SEPSECS: variants seen among roughly 807,000 people sequenced by gnomAD.
SEPSECS encodes the protein Sep (O-phosphoserine) tRNA:Sec (selenocysteine) tRNA synthase.
A neutral mutation model predicts 52.1 loss-of-function variants in SEPSECS; 42 were observed. That is an observed-to-expected ratio of 0.81 (90% confidence interval 0.63 to 1.04). The LOEUF (loss-of-function observed/expected upper bound fraction) is 1.04. Among genes scored for constraint, SEPSECS ranks in the 50% least tolerant of loss-of-function variants. The probability of loss-of-function intolerance (pLI) is 0.00; values close to 1 mark genes in which losing one functional copy is unlikely to be tolerated. For missense variants in SEPSECS, 590 were observed against 610.6 expected, an observed-to-expected ratio of 0.97 and a Z score of 0.36; for synonymous variants, 216 against 211.4, an observed-to-expected ratio of 1.02 and a Z score of -0.19.
chr4:25,132,568 C>T (rs1235806676), intron 8 of SEPSECS, among the ~76,000 whole-genome samples: 1 of 152,152 alleles, frequency 6.6e-6, no homozygotes, highest in African/African-American at 2.4e-5. Context: ...AACAGAGAAA[C>T]CTGCCTACTA....
At chr4:25,154,335 T>C (rs1223673515) in intron 5 of SEPSECS, among the ~76,000 whole-genome samples, 1 of 152,154 alleles carries the variant, frequency 6.6e-6, no homozygotes, top group Admixed American at 6.5e-5. Flanking sequence ...TTACAAATTA[T>C]TACCACTTCC....
In SEPSECS at chr4:25,151,999, A is replaced by G. The variant is rs1345184430; in HGVS notation, c.765T>C (p.Tyr255=). The change falls in exon 6 of 11, where the codon TAT becomes TAC. Residue 255 remains tyrosine, a synonymous_variant. Coordinates refer to ENST00000382103, the MANE Select transcript of SEPSECS (RefSeq NM_016955.4). ...YDIPHIVNNA[Y]GVQSSKCMHL... ...GCATACACTTTGAAGACTGCACTCC[A>G]TAAGCATTATTAACTATATGTGGAA... 2 of 1,602,506 alleles carry G rather than the reference A, an allele frequency of 1.2e-6. No individual in the cohort carries two copies. Among genetic ancestry groups the G allele is most frequent in the South Asian group, 1.1e-5 (1 of 90,832 alleles).
At position 25,125,596 on chromosome 4, in the gene SEPSECS, T is replaced by C. The variant is rs956109879; in HGVS notation, c.1211+98A>G. On this transcript the variant is annotated intron_variant, in intron 10 of 10. Transcript: ENST00000382103. The stretch of plus-strand genomic sequence containing the variant: ...TCCATGATGAATTCGCAGGTATAGT[T>C]CAGGATATACTTGGGGGACTATTGT... The C allele has an allele frequency of 7.6e-6, 6 of 784,894 alleles. No homozygotes were observed. The Admixed American group carries it at 9.9e-5, about 13-fold the overall frequency. The allele number at this position is 784,894 out of a possible 1,614,324, so 48.6% of individuals were successfully genotyped here.
chr4:25,156,021 A>G lies in SEPSECS; in HGVS notation c.547+16T>C, dbSNP rs752136829. Reference sequence around the variant, plus strand: ...AATTATGATGTTTAAAACATTATGTATGACACTTCTCTTACCTGCAGTGAT... The same window carrying G: ...AATTATGATGTTTAAAACATTATGTGTGACACTTCTCTTACCTGCAGTGAT... On this transcript the variant is annotated intron_variant, in intron 4 of 10. Coordinates refer to ENST00000382103, the MANE Select transcript of SEPSECS (RefSeq NM_016955.4). 9 of 1,606,326 alleles carry G rather than the reference A, an allele frequency of 5.6e-6. No individual in the cohort carries two copies. The highest frequency in any genetic ancestry group is 2.7e-5 in the African/African-American group (2 of 74,758).
At chr4:25,139,773 T>C (rs932756204) in intron 8 of SEPSECS, among the ~76,000 whole-genome samples, 24 of 152,174 alleles carry the variant, frequency 1.6e-4, no homozygotes, top group Middle Eastern at 3.4e-3. Flanking sequence ...GGTAAGGACT[T>C]AAATTAGGGA....
chr4:25,135,842 A>G (rs572208109), intron 8 of SEPSECS, among the ~76,000 whole-genome samples: 42 of 152,274 alleles, frequency 2.8e-4, no homozygotes, highest in African/African-American at 9.1e-4. Context: ...GCACATCAAA[A>G]AGCTTATCCA....
rs1339108558 is a variant in SEPSECS at position 25,156,082 on chromosome 4, G to A, written c.502C>T (p.Pro168Ser). ...AAGCAGGACTTCTGGTCTATTCGTG[G>A]CCATATAATATACTTTGCCTTTGGT... ...KRPKAKYIIW[P>S]RIDQKSCFKS... is the part of the protein sequence containing the mutation. Residue 168 changes from proline (P) to serine (S), a missense_variant, in exon 4 of 11, where the codon CCA becomes TCA. By Grantham distance (74) the Pro-to-Ser change is moderately conservative. Coordinates refer to ENST00000382103, the MANE Select transcript of SEPSECS (RefSeq NM_016955.4). 6.2e-7 allele frequency: 1 copy of A among 1,613,788 alleles called. No individual in the cohort carries two copies. Among genetic ancestry groups the A allele is most frequent in the Admixed American group, 1.7e-5 (1 of 60,006 alleles).
At position 25,152,015 on chromosome 4, in the gene SEPSECS, A is replaced by G. The variant is rs1221963037; in HGVS notation, c.749T>C (p.Ile250Thr). 3 of 1,601,822 alleles carry G rather than the reference A, an allele frequency of 1.9e-6. No individual in the cohort carries two copies. Among genetic ancestry groups the G allele is most frequent in the South Asian group, 2.2e-5 (2 of 90,826 alleles). Residue 250 changes from isoleucine (I) to threonine (T), a missense_variant, in exon 6 of 11, where the codon ATA (isoleucine) becomes ACA (threonine). Coordinates refer to ENST00000382103, the MANE Select transcript of SEPSECS (RefSeq NM_016955.4). The part of the protein sequence containing the change: ...VICANYDIPH[I>T]VNNAYGVQSS... Reference sequence around the variant, plus strand: ...CTGCACTCCATAAGCATTATTAACTATATGTGGAATGTCATAATTAGCACA... The same window carrying G: ...CTGCACTCCATAAGCATTATTAACTGTATGTGGAATGTCATAATTAGCACA...
At chr4:25,142,416 G>A (rs974539518) in intron 8 of SEPSECS, among the ~76,000 whole-genome samples, 2 of 152,144 alleles carry the variant, frequency 1.3e-5, no homozygotes, top group African/African-American at 4.8e-5. Context: ...AGCAAACTTT[G>A]TAATTTCTAT....
chr4:25,146,339 T>C lies in SEPSECS; in HGVS notation c.805-1206A>G, dbSNP rs575479801. On this transcript the variant is annotated intron_variant, in intron 6 of 10. Transcript: ENST00000382103. ...CGAAGCAGGGAAGAGGAGCAGCTGC[T>C]CTGGAGGCCATTATACAACTGTTCA... Among the ~76,000 whole-genome samples, 4 of 152,300 alleles carry C rather than the reference T, an allele frequency of 2.6e-5. No individual in the cohort carries two copies. In the South Asian group the frequency reaches 6.2e-4, roughly 24 times the overall value.
chr4:25,147,867 A>C (rs1712055863), intron 6 of SEPSECS, among the ~76,000 whole-genome samples: 1 of 152,226 alleles, frequency 6.6e-6, no homozygotes, highest in Non-Finnish European at 1.5e-5. Context: ...AAAGACTTAC[A>C]GTATTAGTAT....
chr4:25,153,919 A>G (rs1354320130), intron 5 of SEPSECS, among the ~76,000 whole-genome samples: 1 of 152,132 alleles, frequency 6.6e-6, no homozygotes, highest in African/African-American at 2.4e-5. Flanking sequence ...GACGTTAGTC[A>G]AAATGAAACG....
Position 25,158,955 on chromosome 4 carries a change from G to A in SEPSECS, c.267C>T (p.Tyr89=). ...VASALVARRH[Y]RFIHGIGRSG... Reference sequence around the variant, plus strand: ...CTGTACTACTTAAAAAAAGATACCTGTAATGACGACGAGCAACCAGTGCGG... The same window carrying A: ...CTGTACTACTTAAAAAAAGATACCTATAATGACGACGAGCAACCAGTGCGG... Residue 89 remains tyrosine (Y), a splice_region_variant and synonymous_variant, in exon 2 of 11, where the codon TAC becomes TAT. Coordinates refer to ENST00000382103, the MANE Select transcript of SEPSECS (RefSeq NM_016955.4). 6.2e-7 allele frequency: 1 copy of A among 1,613,690 alleles called. No homozygotes were observed. The highest frequency in any genetic ancestry group is 2.2e-5 in the East Asian group (1 of 44,874).
chr4:25,152,972 C>T (rs143852530), intron 5 of SEPSECS, among the ~76,000 whole-genome samples: 11 of 152,100 alleles, frequency 7.2e-5, no homozygotes, highest in African/African-American at 2.4e-4. Flanking sequence ...CCGATTTACG[C>T]ATAATACATG....
chr4:25,156,945 T>C lies in SEPSECS; in HGVS notation c.299A>G (p.Asp100Gly), dbSNP rs758982247. The C allele has an allele frequency of 5.0e-6, 8 of 1,612,790 alleles. No individual in the cohort carries two copies. The highest frequency in any genetic ancestry group is 4.0e-5 in the African/African-American group (3 of 74,858). Residue 100 changes from aspartate to glycine, a missense_variant, in exon 3 of 11, where the codon GAT becomes GGT. Physicochemically the swap from Asp to Gly is moderately conservative, Grantham distance 94. Transcript: ENST00000382103. ...RFIHGIGRSG[D>G]ISAVQPKAAG... ...AGCTTTTGGTTGCACAGCAGAAATA[T>C]CACCGGATCGTCCAATGCCATGAAT...
At chr4:25,149,221 A>C (rs1422472079) in intron 6 of SEPSECS, among the ~76,000 whole-genome samples, 16 of 151,944 alleles carry the variant, frequency 1.1e-4, no homozygotes, top group Non-Finnish European at 7.4e-5. Flanking sequence ...CCACACCCAG[A>C]GAATTTTTTT....
intron 8 of SEPSECS, among the ~76,000 whole-genome samples, chr4:25,139,722 G>A (rs1320170075): frequency 1.3e-5 from 2 of 152,116 alleles, no homozygotes; most frequent in African/African-American, 4.8e-5. Flanking sequence ...GGGGGAACAG[G>A]AGAAGTGTGA....
chr4:25,159,049 A>G lies in SEPSECS; in HGVS notation c.173T>C (p.Leu58Pro). ...GAAATTGTTGCTGTCCATGATTGCAAGTTCATGTAAAAAGAGTTCAAGTGT... is the reference window on the plus strand; with the variant it reads ...GAAATTGTTGCTGTCCATGATTGCAGGTTCATGTAAAAAGAGTTCAAGTGT... ...ESTLELFLHELAIMDSNNFLG... is the reference protein window; with the variant it reads ...ESTLELFLHEPAIMDSNNFLG... The change falls in exon 2 of 11, where the codon CTT becomes CCT. Residue 58 changes from leucine (L) to proline (P), a missense_variant. Leu to Pro is a moderately conservative substitution (Grantham distance 98). Coordinates refer to ENST00000382103, the MANE Select transcript of SEPSECS (RefSeq NM_016955.4). 6.2e-7 allele frequency: 1 copy of G among 1,613,636 alleles called. No homozygotes were observed. The highest frequency in any genetic ancestry group is 8.5e-7 in the Non-Finnish European group (1 of 1,179,728).
chr4:25,121,665 T>A lies in SEPSECS; in HGVS notation c.*2266A>T, dbSNP rs1728132194. The A allele has an allele frequency of 6.6e-6, 1 of 152,206 alleles. No homozygotes were observed. Among genetic ancestry groups the A allele is most frequent in the East Asian group, 1.9e-4 (1 of 5,186 alleles). The allele number at this position is 152,206 out of a possible 1,614,324, so 9.4% of individuals were successfully genotyped here. On this transcript the variant is annotated 3_prime_UTR_variant, in exon 11 of 11. Coordinates refer to ENST00000382103, the MANE Select transcript of SEPSECS (RefSeq NM_016955.4). Reference sequence around the variant, plus strand: ...TCTTGTGAATTCTATGCCCTCAAATTTTAAGCCAGGAGGAATAGAGCTAGA... The same window carrying A: ...TCTTGTGAATTCTATGCCCTCAAATATTAAGCCAGGAGGAATAGAGCTAGA...
Sources: gnomAD v4.1 joint callset for allele counts (sites outside exome capture counted in the v4.1 genomes callset) on GRCh38, gnomAD v4.1.1 for gene constraint, MANE v1.5 for transcripts, NCBI Gene and HGNC (gene_info 2026-07-23, HGNC 2026-07-21) for gene names.